Variants in ADAMTS2 observed in about 807,000 individuals in gnomAD.
ADAMTS2 encodes A disintegrin and metalloproteinase with thrombospondin motifs 2.
ADAMTS2 carries 50 observed loss-of-function variants against 123.0 expected under a neutral mutation model. The ratio of observed to expected loss-of-function variants is 0.41; its 90% confidence interval spans 0.32 to 0.51. The LOEUF (loss-of-function observed/expected upper bound fraction) is 0.51. Ranked by LOEUF, ADAMTS2 falls within the 20% of genes least tolerant of loss-of-function variation. The pLI, the probability that ADAMTS2 is intolerant of heterozygous loss-of-function variation, is 0.35. For synonymous variants in ADAMTS2, 678 were observed against 695.4 expected, an observed-to-expected ratio of 0.98 and a Z score of 0.39; for missense variants, 1,494 against 1,705.2, an observed-to-expected ratio of 0.88 and a Z score of 2.18.
intron 3 of ADAMTS2, among the ~76,000 whole-genome samples, chr5:179,245,691 G>A (rs949523200): frequency 9.9e-5 from 14 of 140,856 alleles, no homozygotes; most frequent in East Asian, 2.0e-4. Context: ...GCGTGAACCC[G>A]GGAGGCGGAG....
chr5:179,328,134 GC>G (rs1486964453), intron 2 of ADAMTS2, among the ~76,000 whole-genome samples: 1 of 152,214 alleles, frequency 6.6e-6, no homozygotes, highest in Non-Finnish European at 1.5e-5. Flanking sequence ...CCGGGTTCAC[GC>G]CATTCTCCTG....
intron 2 of ADAMTS2, among the ~76,000 whole-genome samples, chr5:179,304,112 A>G (rs1209471209): frequency 6.6e-6 from 1 of 152,144 alleles, no homozygotes; most frequent in East Asian, 1.9e-4. Flanking sequence ...TCAGAATAGG[A>G]CTGCACAGGC....
intron 3 of ADAMTS2, among the ~76,000 whole-genome samples, chr5:179,237,908 C>T (rs1008440338): frequency 2.0e-5 from 3 of 152,194 alleles, no homozygotes; most frequent in African/African-American, 7.2e-5. Context: ...AGGCAGCCAT[C>T]GCTCCCGACA....
intron 3 of ADAMTS2, among the ~76,000 whole-genome samples, chr5:179,236,324 T>G (rs937463943): frequency 5.3e-5 from 8 of 152,100 alleles, no homozygotes; most frequent in Non-Finnish European, 8.8e-5. Context: ...CGCCAATTGT[T>G]CCAGCCACTC....
intron 5 of ADAMTS2, among the ~76,000 whole-genome samples, chr5:179,167,311 C>G (rs1005072810): frequency 6.6e-6 from 1 of 151,936 alleles, no homozygotes; most frequent in African/African-American, 2.4e-5. Context: ...AACAGCGGCC[C>G]GGGCCGGGGA....
At chr5:179,311,158 T>C (rs1756823628) in intron 2 of ADAMTS2, among the ~76,000 whole-genome samples, 1 of 151,982 alleles carries the variant, frequency 6.6e-6, no homozygotes, top group Non-Finnish European at 1.5e-5. Context: ...ATGTTCACTC[T>C]GAGGCCGAGC....
chr5:179,206,957 T>C (rs888804554), intron 4 of ADAMTS2, among the ~76,000 whole-genome samples: 2 of 152,056 alleles, frequency 1.3e-5, no homozygotes, highest in African/African-American at 4.8e-5. Flanking sequence ...CCCCAATTCC[T>C]CCCACTGCGA....
intron 10 of ADAMTS2, among the ~76,000 whole-genome samples, chr5:179,141,191 C>T (rs564527144): frequency 2.6e-5 from 4 of 152,274 alleles, no homozygotes; most frequent in South Asian, 2.1e-4. Flanking sequence ...AGAAAGAGAA[C>T]GCAGCCATTC....
At chr5:179,169,818 C>T (rs749765605) in intron 5 of ADAMTS2, among the ~76,000 whole-genome samples, 2 of 152,240 alleles carry the variant, frequency 1.3e-5, no homozygotes, top group Non-Finnish European at 2.9e-5. Context: ...ATTTCTCAGA[C>T]CTTTCACCTC....
At chr5:179,191,389 C>T (rs758725599) in intron 4 of ADAMTS2, among the ~76,000 whole-genome samples, 33 of 152,218 alleles carry the variant, frequency 2.2e-4, no homozygotes, top group African/African-American at 5.8e-4. Context: ...TCCCCCCACA[C>T]GCCCGTCTCA....
intron 3 of ADAMTS2, among the ~76,000 whole-genome samples, chr5:179,237,290 A>G (rs181195282): frequency 6.6e-6 from 1 of 152,276 alleles, no homozygotes; most frequent in Non-Finnish European, 1.5e-5. Flanking sequence ...AAAAATGTAG[A>G]AATAACATAA....
At chr5:179,322,700 C>T (rs1757220094) in intron 2 of ADAMTS2, among the ~76,000 whole-genome samples, 1 of 152,220 alleles carries the variant, frequency 6.6e-6, no homozygotes, top group Admixed American at 6.5e-5. Context: ...GCCTCGGCAG[C>T]TCCGCAGGCA....
At chr5:179,323,415 G>T (rs551994402) in intron 2 of ADAMTS2, among the ~76,000 whole-genome samples, 3 of 152,358 alleles carry the variant, frequency 2.0e-5, no homozygotes, top group African/African-American at 7.2e-5. Context: ...TTCGTGGCAG[G>T]TGTCAGCATG....
At chr5:179,165,010 C>T (rs1403266623) in intron 5 of ADAMTS2, among the ~76,000 whole-genome samples, 4 of 152,180 alleles carry the variant, frequency 2.6e-5, no homozygotes, top group Admixed American at 6.5e-5. Context: ...CTGGGCTGGC[C>T]GTGGACAGGG....
chr5:179,303,847 A>T lies in ADAMTS2; in HGVS notation c.535-30783T>A, dbSNP rs114647239. Among the ~76,000 whole-genome samples the T allele has an allele frequency of 1.7e-3, 260 of 152,266 alleles. No homozygotes were observed. The highest frequency in any genetic ancestry group is 5.9e-3 in the African/African-American group (245 of 41,522). On this transcript the variant is annotated intron_variant, in intron 2 of 21. Coordinates refer to ENST00000251582, the MANE Select transcript of ADAMTS2 (RefSeq NM_014244.5). This position sits in a 1 kb window ranked among gnomAD's most constrained non-coding sequence, Gnocchi z 4.7. ...GTGTGCAAGACAGCAGGGTCAATAA[A>T]GCCCCAGCTTTCTGGCCAGAGAGAT...
chr5:179,186,139 G>A (rs1764164990), intron 4 of ADAMTS2, among the ~76,000 whole-genome samples: 1 of 152,110 alleles, frequency 6.6e-6, no homozygotes, highest in Non-Finnish European at 1.5e-5. Flanking sequence ...GCTCCTCTGG[G>A]TGGCTGCTGG....
intron 5 of ADAMTS2, among the ~76,000 whole-genome samples, chr5:179,174,012 C>CAA (rs371293189): frequency 1.8e-3 from 116 of 64,892 alleles, no homozygotes; most frequent in African/African-American, 3.8e-3. Flanking sequence ...GACTCCATCT[C>CAA]AAAAAAAAAA....
chr5:179,300,591 G>A (rs1261233453), intron 2 of ADAMTS2, among the ~76,000 whole-genome samples: 3 of 152,126 alleles, frequency 2.0e-5, no homozygotes, highest in Non-Finnish European at 2.9e-5. Context: ...AGCTGCCTGA[G>A]GACAAGCCAG....
Position 179,132,728 on chromosome 5 carries a change from C to T in ADAMTS2, c.2209+49G>A. ...AGGCCCTCAGCTGTCCGGGCATGAGCCTGCTGCAGGCATCCAGGCTCCAGG... is the reference window on the plus strand; with the variant it reads ...AGGCCCTCAGCTGTCCGGGCATGAGTCTGCTGCAGGCATCCAGGCTCCAGG... On this transcript the variant is annotated intron_variant, in intron 14 of 21. Transcript: ENST00000251582. This position sits in a 1 kb window ranked among gnomAD's most constrained non-coding sequence, Gnocchi z 6.1. The T allele has an allele frequency of 6.2e-7, 1 of 1,613,496 alleles. No homozygotes were observed. The highest frequency in any genetic ancestry group is 8.5e-7 in the Non-Finnish European group (1 of 1,179,698).
Sources: gnomAD v4.1 joint callset for allele counts (sites outside exome capture counted in the v4.1 genomes callset) on GRCh38, gnomAD v4.1.1 for gene constraint, Gnocchi (gnomAD v3.1) non-coding constraint, MANE v1.5 for transcripts, NCBI Gene and HGNC (gene_info 2026-07-23, HGNC 2026-07-21) for gene names.